The following TFDP1 variants were observed in gnomAD, a reference collection of about 807,000 sequenced individuals.
TFDP1 encodes the protein DRTF1-polypeptide 1.
In TFDP1, 6 loss-of-function variants were observed where a neutral mutation model predicts 48.0. That is an observed-to-expected ratio of 0.13 (90% CI 0.07 to 0.25). The LOEUF is 0.25. TFDP1 is among the 10% of genes least tolerant of loss of function. TFDP1 has a pLI of 1.00. For missense variants in TFDP1, 335 were observed against 543.0 expected, an observed-to-expected ratio of 0.62 and a Z score of 3.81; for synonymous variants, 201 against 211.6, an observed-to-expected ratio of 0.95 and a Z score of 0.44.
intron 2 of TFDP1, among the ~76,000 whole-genome samples, chr13:113,609,530 G>A (rs1277196752): frequency 6.6e-6 from 1 of 152,132 alleles, no homozygotes; most frequent in Non-Finnish European, 1.5e-5. Flanking sequence ...GGGAAGTGGA[G>A]TTGTGAAGAT....
At chr13:113,629,380 ATTGAGCACCT>A (rs1183119335) in intron 4 of TFDP1, among the ~76,000 whole-genome samples, 8 of 152,182 alleles carry the variant, frequency 5.3e-5, no homozygotes, top group African/African-American at 1.4e-4. Flanking sequence ...GGTGAGCACC[ATTGAGCACCT>A]GGTGTGTACC....
chr13:113,622,284 C>T (rs981885239), intron 3 of TFDP1, among the ~76,000 whole-genome samples: 2 of 152,210 alleles, frequency 1.3e-5, no homozygotes, highest in African/African-American at 4.8e-5. Context: ...TGTGTCTTTA[C>T]TTCTACACTC....
intron 5 of TFDP1, chr13:113,631,958 G>A (rs934569164): frequency 1.3e-5 from 8 of 598,420 alleles, no homozygotes; most frequent in South Asian, 2.2e-5. Flanking sequence ...GCTGGGCACC[G>A]CCCACCCCGC....
chr13:113,585,591 G>C (rs1437447904), intron 1 of TFDP1, 183 bp from the exon 2 acceptor site: 2 of 412,550 alleles, frequency 4.8e-6, no homozygotes, highest in African/African-American at 4.0e-5. Flanking sequence ...GGGCATTTCC[G>C]TCTGGCGAGG....
At chr13:113,629,234 G>T (rs551135220) in intron 4 of TFDP1, among the ~76,000 whole-genome samples, 6 of 152,374 alleles carry the variant, frequency 3.9e-5, no homozygotes, top group Non-Finnish European at 8.8e-5. Flanking sequence ...CCTTCCGCAG[G>T]GAGCAGTTAA....
intron 11 of TFDP1, 56 bp from the exon 12 acceptor site, chr13:113,640,064 G>C (rs977702011): frequency 5.4e-5 from 72 of 1,325,354 alleles, no homozygotes; most frequent in African/African-American, 7.5e-5. Flanking sequence ...CCTGAGGCGG[G>C]GGGAGGCTGG....
intron 3 of TFDP1, among the ~76,000 whole-genome samples, chr13:113,620,751 AAG>A (rs1594490812): frequency 6.6e-6 from 1 of 152,378 alleles, no homozygotes; most frequent in East Asian, 1.9e-4. Flanking sequence ...AACAATAAAA[AAG>A]TAAATATTTG....
At chr13:113,631,781 C>T (rs115443119) in intron 5 of TFDP1, 37 bp downstream of exon 5, 10 of 1,608,270 alleles carry the variant, frequency 6.2e-6, no homozygotes, top group Non-Finnish European at 7.6e-6. Flanking sequence ...AGTTGTAGGA[C>T]TGCTTGCGGT....
rs1017244649 is a variant in TFDP1 at position 113,633,397 on chromosome 13, A to G, written c.474+112A>G. 21 of 998,268 alleles carry G rather than the reference A, an allele frequency of 2.1e-5. No individual in the cohort carries two copies. Among genetic ancestry groups the G allele is most frequent in the Non-Finnish European group, 2.8e-5 (19 of 672,138 alleles). The allele number at this position is 998,268 out of a possible 1,614,324, so 61.8% of individuals were successfully genotyped here. A position where few individuals can be genotyped will look rare whatever the true frequency, so the allele number is the denominator to read the frequency against. On this transcript the variant is annotated intron_variant, in intron 6 of 11. Transcript: ENST00000375370. The surrounding 1 kb of genome is among the most constrained non-coding windows in gnomAD (Gnocchi z 4.5). ...AAACCATACAGAAAATGCCAAGTAC[A>G]GCATAAAAGAATTTTTACCAAACGA...
intron 3 of TFDP1, among the ~76,000 whole-genome samples, chr13:113,619,537 C>G (rs1288086013): frequency 1.3e-5 from 2 of 151,670 alleles, no homozygotes; most frequent in African/African-American, 2.4e-5. Flanking sequence ...CCCCAGAAGC[C>G]ACTGCCACTG....
At chr13:113,615,644 C>T (rs2048838111) in intron 3 of TFDP1, among the ~76,000 whole-genome samples, 1 of 152,208 alleles carries the variant, frequency 6.6e-6, no homozygotes, top group Admixed American at 6.5e-5. Flanking sequence ...GGGCTCACAC[C>T]AGAAATCCCG....
At chr13:113,639,687 C>T (rs549293270) in intron 11 of TFDP1, among the ~76,000 whole-genome samples, 38 of 152,322 alleles carry the variant, frequency 2.5e-4, no homozygotes, top group African/African-American at 8.7e-4. Context: ...GGTTCTCAGT[C>T]CCCGCTGCCA....
At position 113,636,757 on chromosome 13, in the gene TFDP1, G is replaced by A. The variant is rs1041671945; in HGVS notation, c.1006+57G>A. The A allele has an allele frequency of 2.4e-5, 37 of 1,571,562 alleles. No individual in the cohort carries two copies. In the Admixed American group the frequency reaches 4.0e-4, roughly 17 times the overall value. On this transcript the variant is annotated intron_variant, in intron 10 of 11. Transcript: ENST00000375370. Reference sequence around the variant, plus strand: ...GTGTGAGGAATGGCCCCCAGCCTCCGACGGTGCCCTCCCCTCCCGGCTCGG... The same window carrying A: ...GTGTGAGGAATGGCCCCCAGCCTCCAACGGTGCCCTCCCCTCCCGGCTCGG...
chr13:113,608,541 G>C (rs1157640016), intron 2 of TFDP1, among the ~76,000 whole-genome samples: 1 of 152,194 alleles, frequency 6.6e-6, no homozygotes, highest in African/African-American at 2.4e-5. Context: ...CTCCCACACA[G>C]ATGCTCGAGC....
rs1209261773 is a variant in TFDP1, at chr13:113,624,850, GTC to G, written c.186+1569_186+1570del. 7.1e-5 allele frequency among the ~76,000 whole-genome samples: 10 copies of G among 140,886 alleles called. No individual in the cohort carries two copies. In the Admixed American group the frequency reaches 7.1e-4, roughly 10 times the overall value. 92.4% of individuals were successfully genotyped at this position (140,886 alleles called of 152,430 possible). ...ACGTGTCCTCAGGTGTTTCTCAGGT[GTC>G]TCTCACGTGTCCTCAGGTGTTTCTC... On this transcript the variant is annotated intron_variant, in intron 4 of 11. Coordinates refer to ENST00000375370, the MANE Select transcript of TFDP1 (RefSeq NM_007111.5).
chr13:113,597,469 A>C (rs1014887477), intron 2 of TFDP1, among the ~76,000 whole-genome samples: 6 of 152,042 alleles, frequency 3.9e-5, no homozygotes, highest in African/African-American at 1.2e-4. Context: ...GTTGTGGAGG[A>C]AGCTGTGTGA....
At chr13:113,592,603 G>A (rs543595541) in intron 2 of TFDP1, among the ~76,000 whole-genome samples, 1 of 152,320 alleles carries the variant, frequency 6.6e-6, no homozygotes, top group East Asian at 1.9e-4. Context: ...CATTAACATC[G>A]CGTCACTGGG....
At chr13:113,606,214 G>A (rs544831322) in intron 2 of TFDP1, among the ~76,000 whole-genome samples, 2 of 151,982 alleles carry the variant, frequency 1.3e-5, no homozygotes, top group East Asian at 1.9e-4. Flanking sequence ...TGTCCGCAGG[G>A]GAGCCTGTTG....
intron 2 of TFDP1, among the ~76,000 whole-genome samples, chr13:113,601,072 C>T (rs781502836): frequency 5.9e-5 from 9 of 152,198 alleles, no homozygotes; most frequent in Non-Finnish European, 1.2e-4. Flanking sequence ...TCTCCAGATG[C>T]GAGGTTCTTT....
Sources: gnomAD v4.1 joint callset for allele counts (sites outside exome capture counted in the v4.1 genomes callset) on GRCh38, gnomAD v4.1.1 for gene constraint, Gnocchi (gnomAD v3.1) non-coding constraint, MANE v1.5 for transcripts, NCBI Gene and HGNC (gene_info 2026-07-23, HGNC 2026-07-21) for gene names.